The following TBC1D5 variants were observed in gnomAD, a reference collection of about 807,000 sequenced individuals.
The protein encoded by TBC1D5 is TBC1 domain family member 5, also known as TBC1 domain family, member 5.
A neutral mutation model predicts 100.3 loss-of-function variants in TBC1D5; 75 were observed. The observed-to-expected ratio is 0.75, with a 90% CI of 0.62 to 0.91. The LOEUF (loss-of-function observed/expected upper bound fraction) is 0.91. Among genes scored for constraint, TBC1D5 ranks in the 40% least tolerant of loss-of-function variants. The pLI is 0.00. For missense variants in TBC1D5, 910 were observed against 942.4 expected (o/e 0.97, Z 0.45); for synonymous variants, 323 against 325.6 (o/e 0.99, Z 0.09).
chr3:17,634,880 T>A (rs1173848655), intron 1 of TBC1D5, among the ~76,000 whole-genome samples: 3 of 152,060 alleles, frequency 2.0e-5, no homozygotes, highest in Non-Finnish European at 2.9e-5. Context: ...AAAACATTTT[T>A]AAAAAAGAAA....
chr3:17,618,810 G>A (rs146427347), intron 2 of TBC1D5, among the ~76,000 whole-genome samples: 4 of 152,302 alleles, frequency 2.6e-5, no homozygotes, highest in East Asian at 1.9e-4. Context: ...AGTCTGTCAC[G>A]GCTTCCCTTG....
intron 3 of TBC1D5, among the ~76,000 whole-genome samples, chr3:17,443,517 T>C (rs539133127): frequency 4.6e-5 from 7 of 152,206 alleles, no homozygotes; most frequent in Non-Finnish European, 8.8e-5. Flanking sequence ...AAAATCCTGC[T>C]TGTAACAAAG....
chr3:17,353,441 C>G (rs2090868752), intron 13 of TBC1D5, among the ~76,000 whole-genome samples: 2 of 151,922 alleles, frequency 1.3e-5, no homozygotes, highest in South Asian at 4.1e-4. Flanking sequence ...GAAAATGACA[C>G]AAGAAATTAT....
intron 18 of TBC1D5, among the ~76,000 whole-genome samples, chr3:17,204,161 G>C (rs140153980): frequency 1.3e-3 from 195 of 152,322 alleles, no homozygotes; most frequent in African/African-American, 4.4e-3. Flanking sequence ...AGGTTTAAGA[G>C]CAGGGAGACA....
intron 3 of TBC1D5, among the ~76,000 whole-genome samples, chr3:17,445,536 C>T (rs1443147621): frequency 6.6e-6 from 1 of 152,094 alleles, no homozygotes; most frequent in Non-Finnish European, 1.5e-5. Context: ...GCAGTCTTTT[C>T]TTATTTGTGG....
intron 2 of TBC1D5, among the ~76,000 whole-genome samples, chr3:17,613,856 A>G (rs1387033378): frequency 6.6e-6 from 1 of 152,164 alleles, no homozygotes; most frequent in Non-Finnish European, 1.5e-5. Context: ...CTCTGATGGT[A>G]GTTTCTTTTG....
intron 17 of TBC1D5, among the ~76,000 whole-genome samples, chr3:17,225,009 G>A (rs895197486): frequency 1.8e-4 from 27 of 152,000 alleles, no homozygotes; most frequent in Non-Finnish European, 3.5e-4. Context: ...TGCCCTCTGG[G>A]AACACAAACA....
chr3:17,252,927 G>A (rs954585805), intron 16 of TBC1D5, among the ~76,000 whole-genome samples: 4 of 152,360 alleles, frequency 2.6e-5, no homozygotes, highest in South Asian at 2.1e-4. Context: ...ATATGCCTAA[G>A]AGTGGTATCT....
At chr3:17,263,079 A>T (rs2078480526) in intron 15 of TBC1D5, among the ~76,000 whole-genome samples, 1 of 151,882 alleles carries the variant, frequency 6.6e-6, no homozygotes, top group Non-Finnish European at 1.5e-5. Flanking sequence ...AATAAAAAAA[A>T]TTAGCTGGGC....
chr3:17,604,081 C>G (rs994801947), intron 2 of TBC1D5, among the ~76,000 whole-genome samples: 5 of 152,104 alleles, frequency 3.3e-5, no homozygotes, highest in African/African-American at 7.2e-5. Context: ...CTGTGAAAAC[C>G]TCAGCCTCCC....
At chr3:17,603,292 A>C (rs113240297) in intron 2 of TBC1D5, among the ~76,000 whole-genome samples, 24 of 151,858 alleles carry the variant, frequency 1.6e-4, no homozygotes, top group African/African-American at 5.3e-4. Context: ...GTTTGGCAGG[A>C]CTGGTTTTAC....
At chr3:17,293,277 T>A (rs984399095) in intron 14 of TBC1D5, among the ~76,000 whole-genome samples, 1 of 152,222 alleles carries the variant, frequency 6.6e-6, no homozygotes, top group African/African-American at 2.4e-5. Flanking sequence ...GCTAAGATAC[T>A]GAGAACAGTA....
At chr3:17,169,503 C>T (rs139285636) in intron 19 of TBC1D5, among the ~76,000 whole-genome samples, 97 of 152,298 alleles carry the variant, frequency 6.4e-4, no homozygotes, top group African/African-American at 2.2e-3. Context: ...AGTCTTCTTA[C>T]ATACTGTAGC....
At chr3:17,394,198 T>C (rs1422076744) in intron 8 of TBC1D5, among the ~76,000 whole-genome samples, 1 of 152,124 alleles carries the variant, frequency 6.6e-6, no homozygotes, top group Non-Finnish European at 1.5e-5. Flanking sequence ...AGTATCTACT[T>C]ATTTAGTCTC....
intron 2 of TBC1D5, among the ~76,000 whole-genome samples, chr3:17,563,957 T>G (rs969062165): frequency 5.9e-5 from 9 of 152,158 alleles, no homozygotes; most frequent in Non-Finnish European, 2.9e-5. Context: ...TAATTTTTTG[T>G]ATTTTTAGTA....
intron 15 of TBC1D5, among the ~76,000 whole-genome samples, chr3:17,288,094 A>G (rs1294640895): frequency 2.6e-5 from 4 of 152,256 alleles, no homozygotes; most frequent in Non-Finnish European, 1.5e-5. Flanking sequence ...AAACATTTAA[A>G]GCACTATGAT....
intron 12 of TBC1D5, 87 bp from the exon 13 acceptor site, chr3:17,372,334 C>T: frequency 1.6e-6 from 2 of 1,264,842 alleles, no homozygotes; most frequent in Non-Finnish European, 2.1e-6. Flanking sequence ...ACAGTTTAAA[C>T]AAGAAGTCTT....
At chr3:17,601,598 A>C (rs1204275702) in intron 2 of TBC1D5, among the ~76,000 whole-genome samples, 1 of 152,214 alleles carries the variant, frequency 6.6e-6, no homozygotes, top group Non-Finnish European at 1.5e-5. Flanking sequence ...AATGAGATTA[A>C]TTCCTTAGCC....
chr3:17,716,520 C>G (rs1238356356), intron 1 of TBC1D5, among the ~76,000 whole-genome samples: 2 of 151,936 alleles, frequency 1.3e-5, no homozygotes, highest in African/African-American at 4.8e-5. Context: ...TTTTTCAAGA[C>G]AAATGCAACT....
Sources: allele counts gnomAD v4.1 joint callset (sites outside exome capture counted in the v4.1 genomes callset), GRCh38; gene constraint gnomAD v4.1.1; transcripts MANE v1.5; gene names NCBI Gene and HGNC (gene_info 2026-07-23, HGNC 2026-07-21).